The following TMPRSS15 variants were observed in gnomAD, a reference collection of about 807,000 sequenced individuals.
TMPRSS15 encodes transmembrane serine protease 15.
Under a neutral mutation model 125.3 loss-of-function variants are expected in TMPRSS15, and 128 were observed. The observed-to-expected ratio is 1.02, with a 90% CI of 0.89 to 1.18. The LOEUF is 1.18. Among genes scored for constraint, TMPRSS15 ranks in the 50% most tolerant of loss-of-function variants. The pLI is 0.00. For synonymous variants in TMPRSS15, 446 were observed against 423.2 expected (o/e 1.05, Z -0.66); for missense variants, 1,283 against 1,212.7 (o/e 1.06, Z -0.86).
At position 18,403,561 on chromosome 21, in the gene TMPRSS15, A is replaced by G. The variant is rs753642659; in HGVS notation, c.62T>C (p.Phe21Ser). The change falls in exon 1 of 25, where the codon TTT (phenylalanine) becomes TCT (serine). Residue 21 changes from phenylalanine to serine, a missense_variant. Coordinates refer to ENST00000284885, the MANE Select transcript of TMPRSS15 (RefSeq NM_002772.3). ...TACCAATATGGCAAAGAGAGCTGCAAACATGATTTCATAGGAGCTGAGAGA... is the reference window on the plus strand; with the variant it reads ...TACCAATATGGCAAAGAGAGCTGCAGACATGATTTCATAGGAGCTGAGAGA... The part of the protein sequence containing the change: ...HHSLSSYEIM[F>S]AALFAILVVL... The G allele has an allele frequency of 2.5e-6, 4 of 1,614,192 alleles. No individual in the cohort carries two copies. Among genetic ancestry groups the G allele is most frequent in the Non-Finnish European group, 2.5e-6 (3 of 1,180,018 alleles).
At chr21:18,409,927 CT>C (rs1452529332) in intron 1 of TMPRSS15, among the ~76,000 whole-genome samples, 16 of 135,860 alleles carry the variant, frequency 1.2e-4, no homozygotes, top group Non-Finnish European at 2.2e-4. Flanking sequence ...CCCTTCCTTC[CT>C]TCCTTTCTTC....
chr21:18,440,351 C>T (rs1276792254), intron 1 of TMPRSS15, among the ~76,000 whole-genome samples: 2 of 90,450 alleles, frequency 2.2e-5, no homozygotes, highest in African/African-American at 4.5e-5. Context: ...CCAGCCTGGG[C>T]GACAGAGCGA....
intron 1 of TMPRSS15, among the ~76,000 whole-genome samples, chr21:18,438,339 G>C (rs1251521831): frequency 9.1e-6 from 1 of 110,434 alleles, no homozygotes; most frequent in Non-Finnish European, 1.8e-5. Context: ...GGTGGGGGGA[G>C]GGGGGAGGGA....
At chr21:18,431,540 C>T (rs1420237789) in intron 1 of TMPRSS15, among the ~76,000 whole-genome samples, 1 of 152,032 alleles carries the variant, frequency 6.6e-6, no homozygotes, top group African/African-American at 2.4e-5. Context: ...CAAACAATAG[C>T]TTGTATGGCA....
At chr21:18,363,576 AT>A (rs1289159200) in intron 7 of TMPRSS15, among the ~76,000 whole-genome samples, 1 of 152,014 alleles carries the variant, frequency 6.6e-6, no homozygotes, top group Non-Finnish European at 1.5e-5. Context: ...CAGTCTTTCC[AT>A]TTTCAGTGAA....
intron 6 of TMPRSS15, among the ~76,000 whole-genome samples, chr21:18,371,720 T>C (rs542227908): frequency 6.6e-6 from 1 of 152,196 alleles, no homozygotes; most frequent in East Asian, 1.9e-4. Context: ...AATTTTAATA[T>C]GGTGCTCAGT....
chr21:18,285,774 GAA>G (rs1555891618), intron 21 of TMPRSS15, among the ~76,000 whole-genome samples: 1 of 152,148 alleles, frequency 6.6e-6, no homozygotes, highest in Non-Finnish European at 1.5e-5. Flanking sequence ...ACAGTTAAAA[GAA>G]AAGAGTTGTT....
intron 1 of TMPRSS15, among the ~76,000 whole-genome samples, chr21:18,481,698 CTAAGGAGTAAAAT>C (rs1651776330): frequency 6.6e-6 from 1 of 151,654 alleles, no homozygotes; most frequent in Non-Finnish European, 1.5e-5. Flanking sequence ...CTCTCTCTTA[CTAAGGAGTAAAAT>C]TAAATTTTAC....
intron 16 of TMPRSS15, among the ~76,000 whole-genome samples, chr21:18,319,058 G>C (rs1439988012): frequency 6.6e-6 from 1 of 151,906 alleles, no homozygotes; most frequent in Non-Finnish European, 1.5e-5. Context: ...TAAGATAATT[G>C]GCTGACGGTA....
chr21:18,360,918 CA>C (rs1200165469), intron 7 of TMPRSS15, among the ~76,000 whole-genome samples: 1 of 152,014 alleles, frequency 6.6e-6, no homozygotes, highest in East Asian at 1.9e-4. Context: ...GTATATTGTT[CA>C]TACCATCAAG....
intron 21 of TMPRSS15, among the ~76,000 whole-genome samples, chr21:18,288,758 GTCTCAAACTCC>G (rs1416597664): frequency 1.3e-5 from 2 of 151,716 alleles, no homozygotes; most frequent in Non-Finnish European, 2.9e-5. Flanking sequence ...GTCCAGGCTG[GTCTCAAACTCC>G]CGAGCTCAGG....
chr21:18,440,263 C>CTT (rs2076238050), intron 1 of TMPRSS15, among the ~76,000 whole-genome samples: 1 of 148,718 alleles, frequency 6.7e-6, no homozygotes, highest in Non-Finnish European at 1.5e-5. Flanking sequence ...GTCCCAGCTA[C>CTT]ACGGGAGGCT....
At chr21:18,478,004 A>G (rs1307022075) in intron 1 of TMPRSS15, among the ~76,000 whole-genome samples, 1 of 152,064 alleles carries the variant, frequency 6.6e-6, no homozygotes, top group East Asian at 1.9e-4. Context: ...CTATAAAGTC[A>G]TCTGTGAGGA....
intron 10 of TMPRSS15, among the ~76,000 whole-genome samples, chr21:18,345,690 G>A (rs1482615412): frequency 8.6e-6 from 1 of 116,910 alleles, no homozygotes; most frequent in Non-Finnish European, 1.7e-5. Flanking sequence ...GCAGTGAGCC[G>A]AGGTCGTGCC....
intron 8 of TMPRSS15, among the ~76,000 whole-genome samples, chr21:18,359,503 T>A (rs2075658360): frequency 6.6e-6 from 1 of 151,964 alleles, no homozygotes; most frequent in Non-Finnish European, 1.5e-5. Context: ...ATAATTATAA[T>A]CCTTTGACAA....
chr21:18,318,511 T>C (rs954264420), intron 16 of TMPRSS15, among the ~76,000 whole-genome samples: 1 of 152,176 alleles, frequency 6.6e-6, no homozygotes, highest in Non-Finnish European at 1.5e-5. Flanking sequence ...AAAGACAATA[T>C]TTCCACCCTC....
At position 18,403,456 on chromosome 21, in the gene TMPRSS15, G is replaced by A. The variant is rs553734400; in HGVS notation, c.145+22C>T. On this transcript the variant is annotated intron_variant, in intron 1 of 24. Coordinates refer to ENST00000284885, the MANE Select transcript of TMPRSS15 (RefSeq NM_002772.3). The stretch of plus-strand genomic sequence containing the variant: ...TACATTCAGCTGAGAGCACCTTCAC[G>A]AGCCAACTCCATGTGACTTACCTCG... 2.8e-4 allele frequency: 456 copies of A among 1,614,048 alleles called. 2 individuals are homozygous for A. The South Asian group carries it at 4.1e-3, about 14-fold the overall frequency.
At chr21:18,360,534 T>C (rs183718072) in intron 7 of TMPRSS15, among the ~76,000 whole-genome samples, 3 of 152,136 alleles carry the variant, frequency 2.0e-5, no homozygotes, top group African/African-American at 7.2e-5. Context: ...CTCGATATCA[T>C]TTGTGGAAAA....
At chr21:18,466,002 C>T (rs1978652552) in intron 1 of TMPRSS15, among the ~76,000 whole-genome samples, 1 of 152,198 alleles carries the variant, frequency 6.6e-6, no homozygotes, top group Non-Finnish European at 1.5e-5. Context: ...CACTAACTGA[C>T]TTCAAACTAT....
Sources: allele counts gnomAD v4.1 joint callset (sites outside exome capture counted in the v4.1 genomes callset), GRCh38; gene constraint gnomAD v4.1.1; transcripts MANE v1.5; gene names NCBI Gene and HGNC (gene_info 2026-07-23, HGNC 2026-07-21).